WWOX: variants seen among roughly 807,000 people sequenced by gnomAD.
WWOX encodes WW domain containing oxidoreductase.
WWOX carries 69 observed loss-of-function variants against 46.2 expected under a neutral mutation model. That is an observed-to-expected ratio of 1.49 (90% CI 1.23 to 1.82). The LOEUF (loss-of-function observed/expected upper bound fraction) is 1.82. Ranked by LOEUF, WWOX falls within the 40% of genes most tolerant of loss-of-function variation. The pLI is 0.00. For synonymous variants in WWOX, 359 were observed against 202.6 expected (o/e 1.77, Z -6.56); for missense variants, 919 against 542.6 (o/e 1.69, Z -6.89).
chr16:78,462,212 T>C (rs1330389053), intron 8 of WWOX, among the ~76,000 whole-genome samples: 1 of 152,070 alleles, frequency 6.6e-6, no homozygotes, highest in African/African-American at 2.4e-5. Context: ...TCAGCGATGA[T>C]CCTAAATATC....
At chr16:78,693,503 A>G (rs1360276412) in intron 8 of WWOX, among the ~76,000 whole-genome samples, 1 of 152,222 alleles carries the variant, frequency 6.6e-6, no homozygotes, top group Admixed American at 6.5e-5. Context: ...ATACAAATAT[A>G]ATAGAAATAA....
intron 5 of WWOX, among the ~76,000 whole-genome samples, chr16:78,317,040 AG>A (rs2080369939): frequency 6.6e-6 from 1 of 152,244 alleles, no homozygotes; most frequent in African/African-American, 2.4e-5. Flanking sequence ...CCAAAGGTGA[AG>A]CCTGCACAGT....
chr16:78,309,867 G>A (rs758398175), intron 5 of WWOX, among the ~76,000 whole-genome samples: 1 of 152,106 alleles, frequency 6.6e-6, no homozygotes, highest in Non-Finnish European at 1.5e-5. Context: ...TTGTTTAATT[G>A]TTCTAGTTAG....
intron 8 of WWOX, among the ~76,000 whole-genome samples, chr16:78,655,586 T>G (rs1436872365): frequency 6.6e-6 from 1 of 152,198 alleles, no homozygotes; most frequent in African/African-American, 2.4e-5. Flanking sequence ...TGCACTTTAA[T>G]TTTGTGGGGT....
At chr16:78,254,911 C>G (rs965933184) in intron 5 of WWOX, among the ~76,000 whole-genome samples, 2 of 152,188 alleles carry the variant, frequency 1.3e-5, no homozygotes, top group African/African-American at 4.8e-5. Flanking sequence ...TGAAAACCCA[C>G]TGTCTGCCCA....
chr16:78,443,953 A>T (rs555970630), intron 8 of WWOX, among the ~76,000 whole-genome samples: 1 of 152,258 alleles, frequency 6.6e-6, no homozygotes, highest in African/African-American at 2.4e-5. Context: ...GTATTGCCCC[A>T]TGACGATGTT....
chr16:79,114,289 C>A (rs1025574508), intron 8 of WWOX, among the ~76,000 whole-genome samples: 1 of 151,880 alleles, frequency 6.6e-6, no homozygotes, highest in African/African-American at 2.4e-5. Context: ...AATGTGAGAT[C>A]TGGCTGGATT....
At chr16:78,422,297 T>A (rs1302480014) in intron 6 of WWOX, among the ~76,000 whole-genome samples, 1 of 152,006 alleles carries the variant, frequency 6.6e-6, no homozygotes, top group Non-Finnish European at 1.5e-5. Context: ...TTCCCTTTAT[T>A]GCATGCCAAT....
intron 8 of WWOX, among the ~76,000 whole-genome samples, chr16:78,754,368 A>C (rs905191810): frequency 6.6e-6 from 1 of 152,138 alleles, no homozygotes; most frequent in African/African-American, 2.4e-5. Flanking sequence ...CCTGTGTCTT[A>C]TTATTGAACT....
At chr16:79,102,923 C>T (rs1325435269) in intron 8 of WWOX, among the ~76,000 whole-genome samples, 1 of 150,010 alleles carries the variant, frequency 6.7e-6, no homozygotes, top group Non-Finnish European at 1.5e-5. Flanking sequence ...CTCCTCCTCT[C>T]TGTCCTCTTC....
intron 5 of WWOX, among the ~76,000 whole-genome samples, chr16:78,385,717 CAG>C (rs772144608): frequency 2.8e-4 from 42 of 152,208 alleles, no homozygotes; most frequent in Non-Finnish European, 4.4e-4. Flanking sequence ...CATAGCCTTA[CAG>C]GTATCATGTT....
chr16:79,115,821 A>G (rs2049505032), intron 8 of WWOX, among the ~76,000 whole-genome samples: 1 of 152,328 alleles, frequency 6.6e-6, no homozygotes, highest in South Asian at 2.1e-4. Context: ...CAGAGAGCAT[A>G]TACACCAGCT....
chr16:78,633,003 C>T (rs927259035), intron 8 of WWOX, among the ~76,000 whole-genome samples: 2 of 152,104 alleles, frequency 1.3e-5, no homozygotes, highest in South Asian at 4.1e-4. Flanking sequence ...TGGCTCATGC[C>T]TGTAATCCTA....
At chr16:78,201,320 T>G (rs2036223605) in intron 5 of WWOX, among the ~76,000 whole-genome samples, 1 of 152,192 alleles carries the variant, frequency 6.6e-6, no homozygotes, top group South Asian at 2.1e-4. Flanking sequence ...AAGGTTGTAT[T>G]GAAAACTTAT....
chr16:78,663,479 C>G (rs942459890), intron 8 of WWOX, among the ~76,000 whole-genome samples: 3 of 152,162 alleles, frequency 2.0e-5, no homozygotes, highest in African/African-American at 7.2e-5. Context: ...ATATGAACAT[C>G]TGGTTACTTC....
intron 4 of WWOX, among the ~76,000 whole-genome samples, chr16:78,133,045 T>C (rs1454670322): frequency 6.6e-6 from 1 of 152,176 alleles, no homozygotes; most frequent in African/African-American, 2.4e-5. Flanking sequence ...AACTTTTTAC[T>C]TCTTATTATG....
intron 8 of WWOX, among the ~76,000 whole-genome samples, chr16:78,698,212 A>G (rs1219840835): frequency 6.6e-6 from 1 of 152,140 alleles, no homozygotes; most frequent in Non-Finnish European, 1.5e-5. Flanking sequence ...GACAACACAG[A>G]TGGAGTTTGG....
chr16:79,188,970 C>T (rs1567606718), intron 8 of WWOX, among the ~76,000 whole-genome samples: 2 of 152,040 alleles, frequency 1.3e-5, no homozygotes, highest in Non-Finnish European at 2.9e-5. Flanking sequence ...TTATTGCATG[C>T]AAATCTATAT....
chr16:79,193,108 T>G lies in WWOX; in HGVS notation c.1057-18500T>G, dbSNP rs1048172971. On this transcript the variant is annotated intron_variant, in intron 8 of 8. Coordinates refer to ENST00000566780, the MANE Select transcript of WWOX (RefSeq NM_016373.4). Reference sequence around the variant, plus strand: ...GATCCCAGGGGCAAGGCCAGCACTTTCCATTCCATTAGACTTCATTCTCTT... The same window carrying G: ...GATCCCAGGGGCAAGGCCAGCACTTGCCATTCCATTAGACTTCATTCTCTT... Among the ~76,000 whole-genome samples, 10 of 152,244 alleles carry G rather than the reference T, an allele frequency of 6.6e-5. 1 individual carries two copies. The highest frequency in any genetic ancestry group is 3.9e-4 in the Admixed American group (6 of 15,288).
Sources: allele counts gnomAD v4.1 joint callset (sites outside exome capture counted in the v4.1 genomes callset), GRCh38; gene constraint gnomAD v4.1.1; transcripts MANE v1.5; gene names NCBI Gene and HGNC (gene_info 2026-07-23, HGNC 2026-07-21).